MTRF1: variants seen among roughly 807,000 people sequenced by gnomAD.
MTRF1 encodes the protein mitochondrial translation release factor 1, also known as peptide chain release factor 1, mitochondrial.
MTRF1 carries 51 observed loss-of-function variants against 62.9 expected under a neutral mutation model. The ratio of observed to expected loss-of-function variants is 0.81; its 90% CI spans 0.65 to 1.02. MTRF1 has a LOEUF of 1.02. Among genes scored for constraint, MTRF1 ranks in the 50% least tolerant of loss-of-function variants. The pLI is 0.00. For missense variants in MTRF1, 446 were observed against 530.0 expected (o/e 0.84, Z 1.56); for synonymous variants, 158 against 181.9 (o/e 0.87, Z 1.06).
chr13:41,312,031 C>T, the MTRF1 span, among the ~76,000 whole-genome samples: 1,083 of 152,308 alleles, frequency 7.1e-3, 17 homozygotes, highest in African/African-American at 0.025. Context: ...CACAGCACAC[C>T]CGCATACCTA....
At chr13:41,253,190 A>C (rs1352336573) in intron 3 of MTRF1, among the ~76,000 whole-genome samples, 160 bp from the exon 4 acceptor site, 1 of 152,260 alleles carries the variant, frequency 6.6e-6, no homozygotes, top group Non-Finnish European at 1.5e-5. Flanking sequence ...AGAACTAATT[A>C]GACCTAAAAT....
At chr13:41,221,179 CAG>C (rs1459507804) in intron 9 of MTRF1, among the ~76,000 whole-genome samples, 1 of 144,422 alleles carries the variant, frequency 6.9e-6, no homozygotes, top group Non-Finnish European at 1.5e-5. Context: ...TTTTCTGAGA[CAG>C]AGTCTTGCTC....
chr13:41,241,205 C>T (rs1224546210), intron 5 of MTRF1, among the ~76,000 whole-genome samples: 3 of 152,054 alleles, frequency 2.0e-5, no homozygotes, highest in Non-Finnish European at 2.9e-5. Context: ...CCACCACGTC[C>T]GGCTAATTTT....
intron 6 of MTRF1, among the ~76,000 whole-genome samples, chr13:41,234,309 C>G (rs2036105907): frequency 6.6e-6 from 1 of 152,170 alleles, no homozygotes; most frequent in African/African-American, 2.4e-5. Flanking sequence ...TGCTGAGTAG[C>G]TAGGACTACT....
intron 1 of MTRF1, chr13:41,262,331 G>A (rs1302190593): frequency 2.7e-5 from 3 of 110,894 alleles, no homozygotes; most frequent in African/African-American, 3.2e-5. Context: ...AAAGCAACAC[G>A]CTGTCTCAAA....
At chr13:41,234,089 G>T in intron 6 of MTRF1, 82 bp from the exon 7 acceptor site, 1 of 1,104,410 alleles carries the variant, frequency 9.1e-7, no homozygotes, top group Non-Finnish European at 1.4e-6. Flanking sequence ...CAAATAAACT[G>T]TATTGTTTTA....
At chr13:41,224,568 G>A (rs554551678) in intron 8 of MTRF1, among the ~76,000 whole-genome samples, 1 of 152,110 alleles carries the variant, frequency 6.6e-6, no homozygotes, top group Non-Finnish European at 1.5e-5. Context: ...CTGACAATCA[G>A]CCAAGTTTGG....
At chr13:41,273,966 A>G in the MTRF1 span, among the ~76,000 whole-genome samples, 1 of 152,206 alleles carries the variant, frequency 6.6e-6, no homozygotes, top group Non-Finnish European at 1.5e-5. Context: ...AAGACAAATG[A>G]TTGCATTCCT....
intron 9 of MTRF1, among the ~76,000 whole-genome samples, chr13:41,222,807 G>A (rs901112523): frequency 4.6e-5 from 7 of 152,214 alleles, no homozygotes; most frequent in Admixed American, 3.9e-4. Context: ...AGAGTATGGA[G>A]CCTGGCCATG....
In MTRF1 at chr13:41,262,968, G is replaced by A. The variant is rs113770170; in HGVS notation, c.-9+517C>T. On this transcript the variant is annotated intron_variant, in intron 1 of 9. Coordinates refer to ENST00000379480, the MANE Select transcript of MTRF1 (RefSeq NM_004294.4). ...TGGTCTTTAAAATATTCAGTTTCCA[G>A]AGTTCTACTGATAGATTTTAGGATA... 4.6e-3 allele frequency among the ~76,000 whole-genome samples: 697 copies of A among 152,260 alleles called. 7 individuals carry two copies. The highest frequency in any genetic ancestry group is 0.015 in the African/African-American group (620 of 41,532).
At chr13:41,306,248 G>T in the MTRF1 span, among the ~76,000 whole-genome samples, 1 of 152,116 alleles carries the variant, frequency 6.6e-6, no homozygotes, top group Non-Finnish European at 1.5e-5. Flanking sequence ...GCCGGGCGTG[G>T]TGGCGGGCGC....
chr13:41,225,809 A>T (rs1298251512), intron 8 of MTRF1, among the ~76,000 whole-genome samples: 2 of 16,084 alleles, frequency 1.2e-4, no homozygotes, highest in African/African-American at 2.6e-4. Context: ...CTCTGTCATT[A>T]AAAAAAAAAA....
intron 1 of MTRF1, chr13:41,261,196 T>G (rs993330400): frequency 3.4e-5 from 8 of 234,094 alleles, no homozygotes; most frequent in Admixed American, 3.0e-4. Flanking sequence ...TATCCGGGCG[T>G]GGTGGCAGGC....
the MTRF1 span, among the ~76,000 whole-genome samples, chr13:41,285,996 G>A: frequency 6.7e-6 from 1 of 150,364 alleles, no homozygotes; most frequent in Admixed American, 6.7e-5. Context: ...CCCAGGAGGC[G>A]GATGTTGCAG....
chr13:41,264,053 T>C (rs993260843), upstream of MTRF1, among the ~76,000 whole-genome samples: 2 of 152,180 alleles, frequency 1.3e-5, no homozygotes, highest in Non-Finnish European at 2.9e-5. Flanking sequence ...AATTTCCTTA[T>C]GTATTAGAAG....
the MTRF1 span, among the ~76,000 whole-genome samples, chr13:41,302,395 G>A: frequency 1.1e-5 from 1 of 87,644 alleles, no homozygotes; most frequent in African/African-American, 2.7e-5. Context: ...AGAAGTGGCA[G>A]AGAGAGAGAG....
the MTRF1 span, chr13:41,288,056 T>C: frequency 2.4e-6 from 1 of 414,578 alleles, no homozygotes. Flanking sequence ...TTTCAAATGA[T>C]GCAAGACTCA....
chr13:41,233,613 T>G (rs980754995), intron 7 of MTRF1, among the ~76,000 whole-genome samples: 1 of 152,176 alleles, frequency 6.6e-6, no homozygotes, highest in Admixed American at 6.5e-5. Flanking sequence ...CTGTGTTTCA[T>G]CTGTATTTAG....
intron 7 of MTRF1, among the ~76,000 whole-genome samples, chr13:41,228,011 C>T (rs533100668): frequency 3.2e-4 from 49 of 152,292 alleles, no homozygotes; most frequent in African/African-American, 1.1e-3. Flanking sequence ...CATTTTAAGA[C>T]GGCCAGGCTT....
Sources: gnomAD v4.1 joint callset for allele counts (sites outside exome capture counted in the v4.1 genomes callset) on GRCh38, gnomAD v4.1.1 for gene constraint, MANE v1.5 for transcripts, NCBI Gene and HGNC (gene_info 2026-07-23, HGNC 2026-07-21) for gene names.